The following ENTPD7 variants were observed in gnomAD, a reference collection of about 807,000 sequenced individuals.
ENTPD7 encodes the protein ectonucleoside triphosphate diphosphohydrolase 7, also known as NTPDase 7.
Under a neutral mutation model 77.9 loss-of-function variants are expected in ENTPD7, and 53 were observed. The observed-to-expected ratio is 0.68, with a 90% CI of 0.55 to 0.85. The LOEUF is 0.85. ENTPD7 is among the 40% of genes least tolerant of loss of function. The probability of loss-of-function intolerance (pLI) is 0.00; values close to 1 mark genes in which losing one functional copy is unlikely to be tolerated. For missense variants in ENTPD7, 636 were observed against 743.7 expected (o/e 0.86, Z 1.68); for synonymous variants, 248 against 274.9 (o/e 0.90, Z 0.97).
Position 99,708,905 on chromosome 10 carries a change from A to G in ENTPD7, c.*4222A>G. 1 of 985,406 alleles carries G rather than the reference A, an allele frequency of 1.0e-6. No homozygotes were observed. Among genetic ancestry groups the G allele is most frequent in the Non-Finnish European group, 1.2e-6 (1 of 829,906 alleles). The allele number at this position is 985,406 out of a possible 1,614,324, so 61.0% of individuals were successfully genotyped here. A position where few individuals can be genotyped will look rare whatever the true frequency, so the allele number is the denominator to read the frequency against. On this transcript the variant is annotated 3_prime_UTR_variant, in exon 13 of 13. Transcript: ENST00000370489. ...ATAAACAGAATCTATTTTTTATAAA[A>G]CAGCTGGCCACAACTAACCATGCCC...
chr10:99,709,966 A>C lies in ENTPD7; in HGVS notation c.*5283A>C. ...ATACTACAAGGGCTTTCACTTTTAA[A>C]ATGTAATCCATCATTGCTTGCCATT... On this transcript the variant is annotated 3_prime_UTR_variant, in exon 13 of 13. Transcript: ENST00000370489. The C allele has an allele frequency of 1.4e-5, 14 of 985,448 alleles. No homozygotes were observed. Among genetic ancestry groups the C allele is most frequent in the Non-Finnish European group, 1.7e-5 (14 of 829,924 alleles). 61.0% of individuals were successfully genotyped at this position (985,448 alleles called of 1,614,324 possible).
In ENTPD7 at chr10:99,710,331, A is replaced by C; in HGVS notation, c.*5648A>C. ...TTACTATGTTGTATTTGAAATTCTC[A>C]TTCCACAATTACCCTTTAGTTGAAG... On this transcript the variant is annotated 3_prime_UTR_variant, in exon 13 of 13. Transcript: ENST00000370489. 1 of 985,424 alleles carries C rather than the reference A, an allele frequency of 1.0e-6. No individual in the cohort carries two copies. Among genetic ancestry groups the C allele is most frequent in the African/African-American group, 1.7e-5 (1 of 57,354 alleles). 61.0% of individuals were successfully genotyped at this position (985,424 alleles called of 1,614,324 possible).
At chr10:99,688,589 G>T in intron 6 of ENTPD7, 105 bp from the exon 7 acceptor site, 1 of 1,006,974 alleles carries the variant, frequency 9.9e-7, no homozygotes. Flanking sequence ...AAAATACTAT[G>T]ATTACTTTTT....
Position 99,709,784 on chromosome 10 carries a change from A to G in ENTPD7, c.*5101A>G. The G allele has an allele frequency of 1.0e-6, 1 of 985,294 alleles. No individual in the cohort carries two copies. Among genetic ancestry groups the G allele is most frequent in the Non-Finnish European group, 1.2e-6 (1 of 829,860 alleles). The allele number at this position is 985,294 out of a possible 1,614,324, so 61.0% of individuals were successfully genotyped here. ...TAATAGACTTCTCTTGTGTTATTAC[A>G]CATTTCTCTTTTGCTCTAATATTTC... On this transcript the variant is annotated 3_prime_UTR_variant, in exon 13 of 13. Coordinates refer to ENST00000370489, the MANE Select transcript of ENTPD7 (RefSeq NM_020354.5).
intron 7 of ENTPD7, among the ~76,000 whole-genome samples, chr10:99,690,519 T>C (rs188040936): frequency 6.6e-6 from 1 of 152,198 alleles, no homozygotes; most frequent in African/African-American, 2.4e-5. Context: ...AAACATTTAT[T>C]TGTTTTATTC....
chr10:99,700,004 T>C (rs2036079325), intron 10 of ENTPD7, among the ~76,000 whole-genome samples: 1 of 152,126 alleles, frequency 6.6e-6, no homozygotes, highest in Non-Finnish European at 1.5e-5. Context: ...TACTGTTCTG[T>C]TCCCAAAAGA....
At chr10:99,694,015 C>T in intron 8 of ENTPD7, among the ~76,000 whole-genome samples, 1 of 152,046 alleles carries the variant, frequency 6.6e-6, no homozygotes, top group East Asian at 1.9e-4. Flanking sequence ...GAGACAATGG[C>T]ATTTAAAACA....
rs34046167 is a variant in ENTPD7 at position 99,691,163 on chromosome 10, A to AT, written c.710-210dup. Among the ~76,000 whole-genome samples the AT allele has an allele frequency of 3.8e-3, 561 of 149,276 alleles. 4 individuals are homozygous for AT. The highest frequency in any genetic ancestry group is 0.012 in the African/African-American group (496 of 40,678). ...CACCATGCCCAGCTAATTAAAAAAAATTTTTTTTTTTTATGAGAGTGTCTC... is the reference window on the plus strand; with the variant it reads ...CACCATGCCCAGCTAATTAAAAAAAATTTTTTTTTTTTTATGAGAGTGTCTC... On this transcript the variant is annotated intron_variant, in intron 7 of 12. Coordinates refer to ENST00000370489, the MANE Select transcript of ENTPD7 (RefSeq NM_020354.5).
intron 3 of ENTPD7, among the ~76,000 whole-genome samples, chr10:99,678,902 G>A (rs1034790334): frequency 6.1e-5 from 9 of 148,498 alleles, no homozygotes; most frequent in African/African-American, 1.8e-4. Flanking sequence ...TCTAGTGTGC[G>A]TTAACAAGCT....
At chr10:99,675,866 G>A (rs1468920648) in intron 3 of ENTPD7, among the ~76,000 whole-genome samples, 6 of 152,038 alleles carry the variant, frequency 3.9e-5, no homozygotes, top group South Asian at 2.1e-4. Context: ...AAAGTGCTGC[G>A]ATTACAGGCA....
chr10:99,670,249 A>C (rs1208897095), intron 3 of ENTPD7, among the ~76,000 whole-genome samples: 3 of 152,230 alleles, frequency 2.0e-5, no homozygotes, highest in Non-Finnish European at 4.4e-5. Flanking sequence ...TAAATTAATT[A>C]AGATTAAATG....
chr10:99,662,878 G>T (rs2035503694), intron 3 of ENTPD7, among the ~76,000 whole-genome samples: 1 of 152,244 alleles, frequency 6.6e-6, no homozygotes, highest in Non-Finnish European at 1.5e-5. Flanking sequence ...TAAGAATGCT[G>T]CATGTGCCAT....
At chr10:99,667,145 T>C (rs949873677) in intron 3 of ENTPD7, among the ~76,000 whole-genome samples, 2 of 152,252 alleles carry the variant, frequency 1.3e-5, no homozygotes, top group African/African-American at 2.4e-5. Flanking sequence ...TGTGCCACTG[T>C]GGCGACCTCA....
chr10:99,711,238 TTAAC>T, exon 13 of ENTPD7: 6 of 985,374 alleles, frequency 6.1e-6, no homozygotes, highest in Non-Finnish European at 7.2e-6. Flanking sequence ...ATCTGAAACC[TTAAC>T]TTACTCATGA....
At chr10:99,672,778 G>A (rs376523874) in intron 3 of ENTPD7, among the ~76,000 whole-genome samples, 4 of 152,108 alleles carry the variant, frequency 2.6e-5, no homozygotes, top group African/African-American at 9.7e-5. Context: ...ATTATATTTG[G>A]TTCTGAGCTT....
chr10:99,693,179 GT>G (rs768734585), intron 8 of ENTPD7, among the ~76,000 whole-genome samples: 37 of 152,312 alleles, frequency 2.4e-4, no homozygotes, highest in Non-Finnish European at 4.6e-4. Flanking sequence ...AGCAACAGGG[GT>G]AAGGGCAGGG....
Position 99,704,543 on chromosome 10 carries a change from C to T in ENTPD7, c.1675C>T (p.Leu559=), listed in dbSNP as rs1471444934. 7 of 1,614,182 alleles carry T rather than the reference C, an allele frequency of 4.3e-6. No individual in the cohort carries two copies. Among genetic ancestry groups the T allele is most frequent in the Non-Finnish European group, 5.9e-6 (7 of 1,180,028 alleles). Reference sequence around the variant, plus strand: ...CCACTATCTCTTCTTTGCCTGTATCCTGGTGGTGCTACTGGCCATCTTCCT... The same window carrying T: ...CCACTATCTCTTCTTTGCCTGTATCTTGGTGGTGCTACTGGCCATCTTCCT... ...YNHYLFFACI[L]VVLLAIFLYL... is the part of the protein sequence containing the mutation. Residue 559 remains leucine, a synonymous_variant, in exon 13 of 13, where the codon CTG becomes TTG. Transcript: ENST00000370489.
chr10:99,695,947 G>C lies in ENTPD7; in HGVS notation c.844-9G>C. The stretch of plus-strand genomic sequence containing the variant: ...AAAATTCCCTTTTTCTCTTGGTATT[G>C]TATTATAGGAAGAAGCTGCCAAGAT... On this transcript the variant is annotated splice_polypyrimidine_tract_variant and intron_variant, in intron 8 of 12. Transcript: ENST00000370489. 6.2e-7 allele frequency: 1 copy of C among 1,610,402 alleles called. No individual in the cohort carries two copies. Among genetic ancestry groups the C allele is most frequent in the East Asian group, 2.2e-5 (1 of 44,804 alleles).
At chr10:99,663,845 T>A (rs2035516565) in intron 3 of ENTPD7, among the ~76,000 whole-genome samples, 1 of 152,198 alleles carries the variant, frequency 6.6e-6, no homozygotes, top group Non-Finnish European at 1.5e-5. Flanking sequence ...TTTTGTCCAT[T>A]ACTTCTTCAG....
Sources: gnomAD v4.1 joint callset for allele counts (sites outside exome capture counted in the v4.1 genomes callset) on GRCh38, gnomAD v4.1.1 for gene constraint, MANE v1.5 for transcripts, NCBI Gene and HGNC (gene_info 2026-07-23, HGNC 2026-07-21) for gene names.